The following PAM variants were observed in gnomAD, a reference collection of about 807,000 sequenced individuals.
PAM encodes peptidylglycine alpha-amidating monooxygenase, also known as peptidyl-glycine alpha-amidating monooxygenase.
PAM carries 72 observed loss-of-function variants against 122.1 expected under a neutral mutation model. That is an observed-to-expected ratio of 0.59 (90% CI 0.49 to 0.72). PAM has a LOEUF of 0.72. Among genes scored for constraint, PAM ranks in the 30% least tolerant of loss-of-function variants. The probability of loss-of-function intolerance (pLI) is 0.00; values close to 1 mark genes in which losing one functional copy is unlikely to be tolerated. For synonymous variants in PAM, 389 were observed against 404.4 expected, an observed-to-expected ratio of 0.96 and a Z score of 0.46; for missense variants, 1,106 against 1,183.7, an observed-to-expected ratio of 0.93 and a Z score of 0.96.
intron 7 of PAM, among the ~76,000 whole-genome samples, chr5:102,928,172 T>C (rs1446812704): frequency 6.6e-6 from 1 of 152,196 alleles, no homozygotes; most frequent in South Asian, 2.1e-4. Context: ...CCCTAATCTC[T>C]ACCCTCTATA....
At chr5:102,769,663 G>A (rs1755161737) in intron 1 of PAM, among the ~76,000 whole-genome samples, 2 of 151,938 alleles carry the variant, frequency 1.3e-5, no homozygotes, top group South Asian at 4.1e-4. Flanking sequence ...AGTTCATTTA[G>A]ATGCTTGAAT....
intron 1 of PAM, among the ~76,000 whole-genome samples, chr5:102,785,046 T>C (rs1174725569): frequency 6.6e-6 from 1 of 152,246 alleles, no homozygotes; most frequent in Non-Finnish European, 1.5e-5. Flanking sequence ...CCAAATAGAC[T>C]TTTTTGTTGT....
At chr5:102,777,756 T>TC (rs1349963247) in intron 1 of PAM, among the ~76,000 whole-genome samples, 1 of 152,088 alleles carries the variant, frequency 6.6e-6, no homozygotes, top group Non-Finnish European at 1.5e-5. Context: ...GTATTTTATT[T>TC]CCCCCCAGAA....
intron 15 of PAM, among the ~76,000 whole-genome samples, chr5:102,979,919 T>C (rs1360802835): frequency 6.6e-6 from 1 of 151,956 alleles, no homozygotes; most frequent in Non-Finnish European, 1.5e-5. Flanking sequence ...ATATAATTTA[T>C]TTATCATAAA....
intron 1 of PAM, among the ~76,000 whole-genome samples, chr5:102,816,564 A>G (rs778732662): frequency 6.6e-6 from 1 of 152,082 alleles, no homozygotes; most frequent in Non-Finnish European, 1.5e-5. Flanking sequence ...GCTTCAGGTC[A>G]AGAGAGTGGT....
chr5:102,929,061 T>C (rs1172508360), intron 7 of PAM, among the ~76,000 whole-genome samples: 1 of 152,136 alleles, frequency 6.6e-6, no homozygotes, highest in Non-Finnish European at 1.5e-5. Context: ...AAATGGTTGA[T>C]GAATAAGAAA....
intron 4 of PAM, among the ~76,000 whole-genome samples, chr5:102,907,172 C>T (rs182907714): frequency 6.6e-6 from 1 of 151,726 alleles, no homozygotes; most frequent in Non-Finnish European, 1.5e-5. Context: ...CATTCTTTAC[C>T]AATGGTACAT....
intron 1 of PAM, among the ~76,000 whole-genome samples, chr5:102,850,980 A>G (rs1188312514): frequency 6.6e-6 from 1 of 152,218 alleles, no homozygotes; most frequent in Non-Finnish European, 1.5e-5. Context: ...GGTAGGTTCT[A>G]TTTTGGGAAG....
At chr5:103,002,308 A>G (rs925612268) in intron 16 of PAM, among the ~76,000 whole-genome samples, 11 of 152,114 alleles carry the variant, frequency 7.2e-5, no homozygotes, top group Admixed American at 5.9e-4. Flanking sequence ...ATATATGTCC[A>G]TAATATTTTA....
At chr5:102,850,922 A>C (rs1781212134) in intron 1 of PAM, among the ~76,000 whole-genome samples, 1 of 152,152 alleles carries the variant, frequency 6.6e-6, no homozygotes, top group East Asian at 1.9e-4. Context: ...CTCAAATTCA[A>C]ATTAATTAAT....
At chr5:103,017,612 G>A (rs1782401580) in intron 22 of PAM, among the ~76,000 whole-genome samples, 179 bp downstream of exon 22, 2 of 152,064 alleles carry the variant, frequency 1.3e-5, no homozygotes, top group South Asian at 4.1e-4. Context: ...CGATTTTTTT[G>A]CTGGCACTTA....
intron 1 of PAM, among the ~76,000 whole-genome samples, chr5:102,817,081 C>T (rs1307412444): frequency 2.0e-5 from 3 of 152,220 alleles, no homozygotes; most frequent in Non-Finnish European, 4.4e-5. Context: ...CTCACTCTCA[C>T]TCATGAGATC....
intron 14 of PAM, among the ~76,000 whole-genome samples, chr5:102,972,130 T>C (rs529461659): frequency 6.6e-6 from 1 of 152,256 alleles, no homozygotes; most frequent in Admixed American, 6.5e-5. Context: ...TGACTATGCA[T>C]AGTTCTGAAC....
chr5:103,017,169 A>C (rs1435593171), intron 21 of PAM, among the ~76,000 whole-genome samples, 165 bp from the exon 22 acceptor site: 1 of 152,210 alleles, frequency 6.6e-6, no homozygotes, highest in Non-Finnish European at 1.5e-5. Context: ...TGAATGAATG[A>C]ATGACTCCCT....
intron 4 of PAM, among the ~76,000 whole-genome samples, chr5:102,909,908 T>G (rs1800866620): frequency 6.6e-6 from 1 of 152,032 alleles, no homozygotes; most frequent in South Asian, 2.1e-4. Context: ...TGCTTTTTTA[T>G]TCAATAGGTC....
chr5:102,861,047 A>G (rs1784035376), intron 1 of PAM, among the ~76,000 whole-genome samples: 1 of 152,192 alleles, frequency 6.6e-6, no homozygotes, highest in African/African-American at 2.4e-5. Flanking sequence ...CCATGTTGTG[A>G]AGACACTCAA....
chr5:102,960,605 T>C (rs918738631), intron 13 of PAM, among the ~76,000 whole-genome samples: 4 of 151,962 alleles, frequency 2.6e-5, no homozygotes, highest in African/African-American at 9.7e-5. Context: ...AAAATGGTCA[T>C]ATTGACTGTC....
At chr5:102,916,222 T>G (rs1228962832) in intron 5 of PAM, among the ~76,000 whole-genome samples, 1 of 152,120 alleles carries the variant, frequency 6.6e-6, no homozygotes, top group Non-Finnish European at 1.5e-5. Flanking sequence ...TCTATGAATA[T>G]AAATTGCATC....
intron 1 of PAM, among the ~76,000 whole-genome samples, chr5:102,858,535 C>G (rs1454522855): frequency 1.1e-4 from 17 of 152,186 alleles, no homozygotes; most frequent in Non-Finnish European, 2.5e-4. Context: ...GCCACCATAA[C>G]ATTTAGTTTG....
Sources: allele counts gnomAD v4.1 joint callset (sites outside exome capture counted in the v4.1 genomes callset), GRCh38; gene constraint gnomAD v4.1.1; transcripts MANE v1.5; gene names NCBI Gene and HGNC (gene_info 2026-07-23, HGNC 2026-07-21).